The following RIMBP2 variants were observed in gnomAD, a reference collection of about 807,000 sequenced individuals.
RIMBP2 encodes RIMS-binding protein 2.
Under a neutral mutation model 118.6 loss-of-function variants are expected in RIMBP2, and 48 were observed. That is an observed-to-expected ratio of 0.40 (90% CI 0.32 to 0.51). The LOEUF (loss-of-function observed/expected upper bound fraction) is 0.51, where lower values mean the gene tolerates loss of function less well. RIMBP2 is among the 20% of genes least tolerant of loss of function. RIMBP2 has a pLI of 0.41. For synonymous variants in RIMBP2, 762 were observed against 742.9 expected (o/e 1.03, Z -0.42); for missense variants, 1,551 against 1,768.3 (o/e 0.88, Z 2.20).
At chr12:130,571,097 G>T (rs1001255255) in intron 2 of RIMBP2, among the ~76,000 whole-genome samples, 1 of 152,012 alleles carries the variant, frequency 6.6e-6, no homozygotes, top group Non-Finnish European at 1.5e-5. Flanking sequence ...GAGGGAAGGG[G>T]CTAATCCATG....
intron 15 of RIMBP2, chr12:130,425,812 A>G (rs539510080): frequency 6.6e-6 from 1 of 152,380 alleles, no homozygotes; most frequent in African/African-American, 2.4e-5. Flanking sequence ...AGTAGAGATG[A>G]GCCACATGGG....
intron 6 of RIMBP2, among the ~76,000 whole-genome samples, chr12:130,458,144 C>T (rs2079621519): frequency 6.7e-6 from 1 of 150,266 alleles, no homozygotes; most frequent in Non-Finnish European, 1.5e-5. Context: ...GCAGGCTTCT[C>T]AGCTCCTTAG....
rs1253690932 is a variant in RIMBP2, at chr12:130,710,652, C to G, written c.-352+5570G>C. On this transcript the variant is annotated intron_variant, in intron 1 of 22. Transcript: ENST00000690449. This position sits in a 1 kb window ranked among gnomAD's most constrained non-coding sequence, Gnocchi z 4.3. Reference sequence around the variant, plus strand: ...AGTGGCAGGTGCTGCACCTCCCCCGCCCCAGGCTCAGCACCAACAGGAAGG... The same window carrying G: ...AGTGGCAGGTGCTGCACCTCCCCCGGCCCAGGCTCAGCACCAACAGGAAGG... 6.6e-6 allele frequency among the ~76,000 whole-genome samples: 1 copy of G among 152,184 alleles called. No individual in the cohort carries two copies. The highest frequency in any genetic ancestry group is 1.5e-5 in the Non-Finnish European group (1 of 68,034).
intron 1 of RIMBP2, among the ~76,000 whole-genome samples, chr12:130,669,567 C>T (rs2064108786): frequency 6.6e-6 from 1 of 152,110 alleles, no homozygotes; most frequent in African/African-American, 2.4e-5. Flanking sequence ...CTCCTGCCAC[C>T]CTGTGAGAAG....
chr12:130,433,979 G>A (rs150316871), intron 14 of RIMBP2, among the ~76,000 whole-genome samples: 1,570 of 152,302 alleles, frequency 0.01, 29 homozygotes, highest in African/African-American at 0.037. Flanking sequence ...CGGAGGAGTC[G>A]GGGGACTTGT....
chr12:130,568,504 G>C (rs1210387196), intron 2 of RIMBP2, among the ~76,000 whole-genome samples: 1 of 152,236 alleles, frequency 6.6e-6, no homozygotes, highest in East Asian at 1.9e-4. Context: ...TCAGCCTTTT[G>C]ATCCTGACTT....
rs386378267 is a variant in RIMBP2, at chr12:130,571,416, A to ACATTTTTTTTTTTTT, written c.-216-53500_-216-53499insAAAAAAAAAAAAATG. On this transcript the variant is annotated intron_variant, in intron 2 of 22. Coordinates refer to ENST00000690449, the MANE Select transcript of RIMBP2 (RefSeq NM_001393629.1). ...GTGTGCTACTGCTACCCATAGTAAC[A>ACATTTTTTTTTTTTT]TTTTTTTTTTTTTTTTTTTTGGAGA... Among the ~76,000 whole-genome samples, 4 of 104,298 alleles carry ACATTTTTTTTTTTTT rather than the reference A, an allele frequency of 3.8e-5. 2 individuals are homozygous for ACATTTTTTTTTTTTT. The highest frequency in any genetic ancestry group is 6.4e-5 in the African/African-American group (2 of 31,068). The allele number at this position is 104,298 out of a possible 152,430, so 68.4% of individuals were successfully genotyped here. A position where few individuals can be genotyped will look rare whatever the true frequency, so the allele number is the denominator to read the frequency against.
chr12:130,600,429 G>A (rs1308555830), intron 2 of RIMBP2, among the ~76,000 whole-genome samples: 3 of 151,184 alleles, frequency 2.0e-5, no homozygotes, highest in African/African-American at 7.3e-5. Flanking sequence ...CTCCCCGCTG[G>A]CCAGAAGGAT....
chr12:130,615,272 C>CACATATATATATATATAT (rs1429575646), intron 2 of RIMBP2, among the ~76,000 whole-genome samples: 10 of 38,780 alleles, frequency 2.6e-4, no homozygotes, highest in Non-Finnish European at 4.6e-4. Flanking sequence ...ACATAATACA[C>CACATATATATATATATAT]ATACATATAT....
At chr12:130,603,085 T>C (rs910520481) in intron 2 of RIMBP2, among the ~76,000 whole-genome samples, 1 of 152,110 alleles carries the variant, frequency 6.6e-6, no homozygotes, top group African/African-American at 2.4e-5. Context: ...GAAACAGTAC[T>C]AATAAAAAGA....
rs367858845 is a variant in RIMBP2, at chr12:130,646,339, C to T, written c.-351-17883G>A. Among the ~76,000 whole-genome samples, 57 of 122,158 alleles carry T rather than the reference C, an allele frequency of 4.7e-4. 2 individuals are homozygous for T. Among genetic ancestry groups the T allele is most frequent in the Non-Finnish European group, 5.7e-4 (32 of 56,328 alleles). 80.1% of individuals were successfully genotyped at this position (122,158 alleles called of 152,430 possible). A position where few individuals can be genotyped will look rare whatever the true frequency, so the allele number is the denominator to read the frequency against. On this transcript the variant is annotated intron_variant, in intron 1 of 22. Transcript: ENST00000690449. ...CTTCCCTCTCCACCTGCCTCACCAC[C>T]TCCCTCACCACCTCCCTCACCACCT...
At chr12:130,707,548 A>T (rs945123971) in intron 1 of RIMBP2, among the ~76,000 whole-genome samples, 6 of 152,176 alleles carry the variant, frequency 3.9e-5, no homozygotes, top group Non-Finnish European at 5.9e-5. Flanking sequence ...AAGGAGGAAG[A>T]GCTGGCAGGC....
intron 1 of RIMBP2, among the ~76,000 whole-genome samples, chr12:130,633,549 C>T (rs576912547): frequency 2.0e-5 from 3 of 152,084 alleles, no homozygotes; most frequent in Non-Finnish European, 4.4e-5. Context: ...GATACAAGGC[C>T]TGAGGACAGA....
chr12:130,451,169 G>A (rs778060179), intron 8 of RIMBP2, 26 bp downstream of exon 8: 11 of 1,608,288 alleles, frequency 6.8e-6, no homozygotes, highest in South Asian at 3.3e-5. Flanking sequence ...AGGCAGCCCC[G>A]GCAGCCCCTG....
At chr12:130,609,196 G>C (rs1000804279) in intron 2 of RIMBP2, among the ~76,000 whole-genome samples, 1 of 152,044 alleles carries the variant, frequency 6.6e-6, no homozygotes, top group Non-Finnish European at 1.5e-5. Context: ...TCGCAAAGCT[G>C]TCTGCACCCC....
chr12:130,609,973 C>G (rs958245782), intron 2 of RIMBP2, among the ~76,000 whole-genome samples: 1 of 152,152 alleles, frequency 6.6e-6, no homozygotes, highest in African/African-American at 2.4e-5. Context: ...ATTCCTTAGT[C>G]CACTGATCCG....
At chr12:130,512,763 G>T (rs2051052166) in intron 3 of RIMBP2, among the ~76,000 whole-genome samples, 1 of 152,304 alleles carries the variant, frequency 6.6e-6, no homozygotes, top group South Asian at 2.1e-4. Context: ...CACAACCAAA[G>T]AAAAAACATC....
intron 2 of RIMBP2, among the ~76,000 whole-genome samples, chr12:130,519,317 C>T (rs552684871): frequency 2.0e-5 from 3 of 152,300 alleles, no homozygotes; most frequent in Admixed American, 2.0e-4. Flanking sequence ...TTTTTCTTAG[C>T]CACAGTCATA....
At chr12:130,715,115 G>A (rs1266193009) in intron 1 of RIMBP2, among the ~76,000 whole-genome samples, 2 of 152,196 alleles carry the variant, frequency 1.3e-5, no homozygotes, top group African/African-American at 4.8e-5. Context: ...CTCCTCTCAG[G>A]CCTGCTCCAT....
Sources: allele counts gnomAD v4.1 joint callset (sites outside exome capture counted in the v4.1 genomes callset), GRCh38; gene constraint gnomAD v4.1.1; non-coding constraint Gnocchi (gnomAD v3.1); transcripts MANE v1.5; gene names NCBI Gene and HGNC (gene_info 2026-07-23, HGNC 2026-07-21).